Variants in AKAP6 observed in about 807,000 individuals in gnomAD.
AKAP6 encodes the protein A-kinase anchor protein 6.
Under a neutral mutation model 188.5 loss-of-function variants are expected in AKAP6, and 58 were observed. That is an observed-to-expected ratio of 0.31 (90% CI 0.25 to 0.38). The LOEUF (loss-of-function observed/expected upper bound fraction) is 0.38. AKAP6 is among the 10% of genes least tolerant of loss of function. The pLI, the probability that AKAP6 is intolerant of heterozygous loss-of-function variation, is 1.00. For synonymous variants in AKAP6, 989 were observed against 998.6 expected (o/e 0.99, Z 0.18); for missense variants, 2,710 against 2,740.0 (o/e 0.99, Z 0.24).
chr14:32,497,650 A>G (rs1380291818), intron 2 of AKAP6, among the ~76,000 whole-genome samples: 2 of 152,050 alleles, frequency 1.3e-5, no homozygotes, highest in Non-Finnish European at 2.9e-5. Flanking sequence ...GTTGGTTGCT[A>G]GTGTTGTTCA....
chr14:32,330,536 T>A (rs774172928), intron 1 of AKAP6, among the ~76,000 whole-genome samples: 2 of 151,940 alleles, frequency 1.3e-5, no homozygotes, highest in Non-Finnish European at 2.9e-5. Flanking sequence ...ATATGTCCAC[T>A]TAGAATCAGG....
At chr14:32,421,343 A>ATCTTATCTTT (rs57421779) in intron 1 of AKAP6, among the ~76,000 whole-genome samples, 2 of 151,922 alleles carry the variant, frequency 1.3e-5, no homozygotes, top group African/African-American at 2.4e-5. Context: ...GTCACTAATT[A>ATCTTATCTTT]TCTCTCCTAA....
At chr14:32,481,622 G>A (rs1879345641) in intron 2 of AKAP6, among the ~76,000 whole-genome samples, 1 of 152,048 alleles carries the variant, frequency 6.6e-6, no homozygotes, top group East Asian at 1.9e-4. Flanking sequence ...AACAACAGGG[G>A]AAAAACTGCC....
chr14:32,419,772 A>T (rs77760030), intron 1 of AKAP6, among the ~76,000 whole-genome samples: 9,555 of 150,808 alleles, frequency 0.063, 377 homozygotes, highest in African/African-American at 0.09. Context: ...ATTTTGTATT[A>T]AAAAAAAATA....
chr14:32,725,313 A>G (rs995739693), intron 9 of AKAP6, among the ~76,000 whole-genome samples: 2 of 152,220 alleles, frequency 1.3e-5, no homozygotes, highest in Non-Finnish European at 2.9e-5. Context: ...ATTCCATCCT[A>G]CATTAAGACT....
chr14:32,399,129 C>T (rs1408269723), intron 1 of AKAP6, among the ~76,000 whole-genome samples: 1 of 152,104 alleles, frequency 6.6e-6, no homozygotes, highest in Admixed American at 6.5e-5. Flanking sequence ...GCTAGGATTA[C>T]AGGCGTGAGC....
intron 2 of AKAP6, among the ~76,000 whole-genome samples, chr14:32,466,847 T>TATATATATATA (rs1555331133): frequency 3.9e-5 from 3 of 77,840 alleles, no homozygotes; most frequent in Non-Finnish European, 6.6e-5. Flanking sequence ...ATATATATAT[T>TATATATATATA]TTCTTTCTTA....
At chr14:32,354,082 T>C (rs1887393141) in intron 1 of AKAP6, among the ~76,000 whole-genome samples, 1 of 152,122 alleles carries the variant, frequency 6.6e-6, no homozygotes, top group South Asian at 2.1e-4. Context: ...TACCAATGAC[T>C]TTGTTCACAG....
intron 12 of AKAP6, among the ~76,000 whole-genome samples, chr14:32,785,652 C>G (rs117271940): frequency 3.3e-5 from 5 of 152,082 alleles, no homozygotes; most frequent in Non-Finnish European, 7.4e-5. Context: ...ATATAAGGCT[C>G]TTTGAGTGTT....
intron 12 of AKAP6, among the ~76,000 whole-genome samples, chr14:32,774,310 A>C (rs2032988705): frequency 6.6e-6 from 1 of 152,252 alleles, no homozygotes; most frequent in Non-Finnish European, 1.5e-5. Flanking sequence ...ATATGGAGTA[A>C]TGTGTATGCT....
intron 2 of AKAP6, among the ~76,000 whole-genome samples, chr14:32,434,175 G>T (rs1890309094): frequency 6.6e-6 from 1 of 152,178 alleles, no homozygotes; most frequent in Non-Finnish European, 1.5e-5. Context: ...ATGCAGCTGT[G>T]ATTGTGAGTA....
chr14:32,520,382 C>T (rs547572906), intron 2 of AKAP6, among the ~76,000 whole-genome samples: 93 of 152,176 alleles, frequency 6.1e-4, no homozygotes, highest in African/African-American at 2.1e-3. Flanking sequence ...CACAAAAAAC[C>T]CTTCAAAAAA....
At chr14:32,434,489 C>T (rs1180344846) in intron 2 of AKAP6, among the ~76,000 whole-genome samples, 3 of 152,134 alleles carry the variant, frequency 2.0e-5, no homozygotes, top group African/African-American at 4.8e-5. Context: ...AGGTGAACCT[C>T]GCCCTGCCAT....
At chr14:32,530,388 T>G (rs914182720) in intron 2 of AKAP6, among the ~76,000 whole-genome samples, 1 of 152,048 alleles carries the variant, frequency 6.6e-6, no homozygotes, top group Non-Finnish European at 1.5e-5. Context: ...GAGGATTGCA[T>G]TTGTGCAACT....
intron 2 of AKAP6, among the ~76,000 whole-genome samples, chr14:32,481,937 A>T (rs1594660600): frequency 6.6e-6 from 1 of 152,080 alleles, no homozygotes; most frequent in East Asian, 1.9e-4. Flanking sequence ...CCCATACTTA[A>T]GGACTCATTG....
chr14:32,607,953 G>T (rs998722431), intron 7 of AKAP6, among the ~76,000 whole-genome samples: 9 of 151,978 alleles, frequency 5.9e-5, no homozygotes, highest in Non-Finnish European at 1.3e-4. Flanking sequence ...AATATTTTTT[G>T]AAAGACAGAA....
chr14:32,347,913 C>T (rs10143442), intron 1 of AKAP6, among the ~76,000 whole-genome samples: 44,773 of 152,198 alleles, frequency 0.29, 6,961 homozygotes, highest in East Asian at 0.4. Flanking sequence ...TGAGGCTTTG[C>T]TTAGATTTTC....
chr14:32,812,672 A>G (rs1004382686), intron 12 of AKAP6, among the ~76,000 whole-genome samples: 1 of 152,236 alleles, frequency 6.6e-6, no homozygotes, highest in Non-Finnish European at 1.5e-5. Flanking sequence ...ATGCTTAACA[A>G]CTATGAATAA....
intron 9 of AKAP6, among the ~76,000 whole-genome samples, chr14:32,717,166 CA>C (rs78133723): frequency 0.26 from 40,257 of 151,946 alleles, 6,276 homozygotes; most frequent in East Asian, 0.43. Context: ...GGAAAATTCT[CA>C]AAAATCACAT....
Sources: gnomAD v4.1 joint callset for allele counts (sites outside exome capture counted in the v4.1 genomes callset) on GRCh38, gnomAD v4.1.1 for gene constraint, MANE v1.5 for transcripts, NCBI Gene and HGNC (gene_info 2026-07-23, HGNC 2026-07-21) for gene names.